Variants in COLEC12 observed in about 807,000 individuals in gnomAD.
COLEC12 encodes collectin-12.
A neutral mutation model predicts 71.1 loss-of-function variants in COLEC12; 33 were observed. The ratio of observed to expected loss-of-function variants is 0.46; its 90% CI spans 0.35 to 0.62. The LOEUF (loss-of-function observed/expected upper bound fraction) is 0.62. Ranked by LOEUF, COLEC12 falls within the 20% of genes least tolerant of loss-of-function variation. COLEC12 has a pLI of 0.00. For synonymous variants in COLEC12, 350 were observed against 353.0 expected, an observed-to-expected ratio of 0.99 and a Z score of 0.10; for missense variants, 765 against 916.1, an observed-to-expected ratio of 0.84 and a Z score of 2.13.
intron 2 of COLEC12, among the ~76,000 whole-genome samples, chr18:431,049 G>C (rs1405256096): frequency 6.6e-6 from 1 of 151,962 alleles, no homozygotes; most frequent in Non-Finnish European, 1.5e-5. Context: ...CTGGAGTGCA[G>C]TGGTATGATC....
chr18:376,106 T>C (rs1915107470), intron 2 of COLEC12, among the ~76,000 whole-genome samples: 1 of 152,168 alleles, frequency 6.6e-6, no homozygotes, highest in African/African-American at 2.4e-5. Flanking sequence ...CCCCTTGCTC[T>C]GCTTTGGAAG....
intron 2 of COLEC12, among the ~76,000 whole-genome samples, chr18:469,071 C>A (rs1917142972): frequency 6.6e-6 from 1 of 152,240 alleles, no homozygotes; most frequent in Non-Finnish European, 1.5e-5. Flanking sequence ...GAGTTTATAT[C>A]AAAACAGATT....
In COLEC12 at chr18:347,027, G is replaced by A. The variant is rs1046311332; in HGVS notation, c.595C>T (p.His199Tyr). The change falls in exon 5 of 10, where the codon CAT (histidine) becomes TAT (tyrosine). Residue 199 changes from histidine (H) to tyrosine (Y), a missense_variant. Coordinates refer to ENST00000400256, the MANE Select transcript of COLEC12 (RefSeq NM_130386.3). ...QGNLQNQMYS[H>Y]NVVIMNLNNL... ...TTGAGGTTCATGATGACCACATTATGAGAATACATTTGGTTCTGCAGATTG... is the reference window on the plus strand; with the variant it reads ...TTGAGGTTCATGATGACCACATTATAAGAATACATTTGGTTCTGCAGATTG... 11 of 1,614,216 alleles carry A rather than the reference G, an allele frequency of 6.8e-6. No individual in the cohort carries two copies. The highest frequency in any genetic ancestry group is 1.6e-4 in the Middle Eastern group (1 of 6,062).
At chr18:465,574 CA>C (rs1917069432) in intron 2 of COLEC12, among the ~76,000 whole-genome samples, 1 of 152,142 alleles carries the variant, frequency 6.6e-6, no homozygotes. Context: ...TTTGATTTTA[CA>C]GGAAGAAAGT....
intron 2 of COLEC12, among the ~76,000 whole-genome samples, chr18:420,830 C>A (rs920030265): frequency 2.6e-5 from 4 of 152,090 alleles, no homozygotes; most frequent in African/African-American, 9.7e-5. Context: ...TAGCCAAGGG[C>A]CCAGAAAGGA....
intron 5 of COLEC12, among the ~76,000 whole-genome samples, chr18:339,535 G>GCTGGATTAGTATAAAAAC (rs571288274): frequency 0.11 from 16,283 of 152,184 alleles, 1,055 homozygotes; most frequent in South Asian, 0.17. Flanking sequence ...TGACTTCCCA[G>GCTGGATTAGTATAAAAAC]CAAATTTCCC....
intron 3 of COLEC12, among the ~76,000 whole-genome samples, chr18:350,785 G>A (rs537031747): frequency 1.2e-4 from 18 of 151,914 alleles, no homozygotes; most frequent in Admixed American, 6.6e-4. Context: ...AAAATTAGCC[G>A]GTTGTGGTGG....
intron 2 of COLEC12, among the ~76,000 whole-genome samples, chr18:464,137 T>C (rs1917040370): frequency 6.6e-6 from 1 of 152,200 alleles, no homozygotes; most frequent in Non-Finnish European, 1.5e-5. Flanking sequence ...TTTCCTCTTG[T>C]CTGGACTCAT....
chr18:470,392 C>T (rs577824883), intron 2 of COLEC12, among the ~76,000 whole-genome samples: 17 of 151,692 alleles, frequency 1.1e-4, no homozygotes, highest in African/African-American at 4.1e-4. Flanking sequence ...CCACCATGCC[C>T]GGCTAATTTT....
intron 2 of COLEC12, among the ~76,000 whole-genome samples, chr18:364,948 C>T (rs1055676593): frequency 5.3e-5 from 8 of 151,906 alleles, no homozygotes; most frequent in Admixed American, 2.0e-4. Context: ...GAGTTGAACC[C>T]AAATCTTTTG....
chr18:380,099 C>G (rs1235570712), intron 2 of COLEC12, among the ~76,000 whole-genome samples: 1 of 152,160 alleles, frequency 6.6e-6, no homozygotes, highest in Non-Finnish European at 1.5e-5. Flanking sequence ...TTTTCAACAG[C>G]CTGAAATTTT....
intron 9 of COLEC12, among the ~76,000 whole-genome samples, chr18:321,422 T>C (rs1241742276): frequency 1.3e-5 from 2 of 152,252 alleles, no homozygotes; most frequent in Non-Finnish European, 2.9e-5. Flanking sequence ...AGTTTAGCAT[T>C]CGTTGAGTAC....
intron 2 of COLEC12, among the ~76,000 whole-genome samples, chr18:449,010 C>A (rs772609441): frequency 6.6e-6 from 1 of 151,868 alleles, no homozygotes; most frequent in Admixed American, 6.6e-5. Context: ...TGACACCCAG[C>A]GGGGAAAGGG....
intron 2 of COLEC12, among the ~76,000 whole-genome samples, chr18:442,372 T>C (rs1257186361): frequency 6.6e-6 from 1 of 152,178 alleles, no homozygotes; most frequent in Non-Finnish European, 1.5e-5. Context: ...TGGCATGACC[T>C]TGGGTAAACA....
chr18:500,444 C>G lies in COLEC12; in HGVS notation c.7+64G>C. 2 of 1,132,024 alleles carry G rather than the reference C, an allele frequency of 1.8e-6. No homozygotes were observed. Among genetic ancestry groups the G allele is most frequent in the Non-Finnish European group, 1.1e-6 (1 of 908,864 alleles). 70.1% of individuals were successfully genotyped at this position (1,132,024 alleles called of 1,614,324 possible). On this transcript the variant is annotated intron_variant, in intron 1 of 9. Transcript: ENST00000400256. The surrounding 1 kb of genome is among the most constrained non-coding windows in gnomAD (Gnocchi z 5.3). ...GTTCGCGCGGGAGGCACCTCCGTGG[C>G]CTCCCGCGCGCCCCGAAGCCCGTTC...
rs565438960 is a variant in COLEC12, at chr18:480,092, C to T, written c.58+615G>A. Among the ~76,000 whole-genome samples, 5 of 152,360 alleles carry T rather than the reference C, an allele frequency of 3.3e-5. No individual in the cohort carries two copies. The highest frequency in any genetic ancestry group is 9.6e-5 in the African/African-American group (4 of 41,576). On this transcript the variant is annotated intron_variant, in intron 2 of 9. Transcript: ENST00000400256. This position sits in a 1 kb window ranked among gnomAD's most constrained non-coding sequence, Gnocchi z 4.1. ...TCCCTCTGCCTCTCTCTTACAAGGA[C>T]GCTTGTGATGGCTTTCAGGGCCCAC... is the stretch of plus-strand genomic sequence containing the variant.
intron 5 of COLEC12, among the ~76,000 whole-genome samples, chr18:341,899 T>C (rs538600646): frequency 2.0e-5 from 3 of 152,194 alleles, no homozygotes; most frequent in Admixed American, 6.5e-5. Context: ...GATGTCTGAT[T>C]GTACAGGAAG....
At chr18:386,522 T>C (rs897258328) in intron 2 of COLEC12, among the ~76,000 whole-genome samples, 6 of 152,158 alleles carry the variant, frequency 3.9e-5, no homozygotes, top group Non-Finnish European at 1.5e-5. Context: ...TCCATTAACA[T>C]TGGAGAAGCA....
At chr18:464,643 T>A (rs923517291) in intron 2 of COLEC12, among the ~76,000 whole-genome samples, 5 of 152,194 alleles carry the variant, frequency 3.3e-5, no homozygotes, top group African/African-American at 1.2e-4. Context: ...CAAACTACAG[T>A]AGAGATACGT....
Sources: gnomAD v4.1 joint callset for allele counts (sites outside exome capture counted in the v4.1 genomes callset) on GRCh38, gnomAD v4.1.1 for gene constraint, Gnocchi (gnomAD v3.1) non-coding constraint, MANE v1.5 for transcripts, NCBI Gene and HGNC (gene_info 2026-07-23, HGNC 2026-07-21) for gene names.